Variants in GPATCH2 observed in about 807,000 individuals in gnomAD.
GPATCH2 encodes G patch domain-containing protein 2.
A neutral mutation model predicts 58.0 loss-of-function variants in GPATCH2; 51 were observed. The ratio of observed to expected loss-of-function variants is 0.88; its 90% CI spans 0.70 to 1.11. The LOEUF (loss-of-function observed/expected upper bound fraction) is 1.11, where lower values mean the gene tolerates loss of function less well. GPATCH2 is among the 50% of genes most tolerant of loss of function. GPATCH2 has a pLI of 0.00. For missense variants in GPATCH2, 625 were observed against 652.2 expected (o/e 0.96, Z 0.45); for synonymous variants, 222 against 218.5 (o/e 1.02, Z -0.14).
intron 6 of GPATCH2, among the ~76,000 whole-genome samples, chr1:217,510,938 T>C (rs2102572933): frequency 6.6e-6 from 1 of 151,384 alleles, no homozygotes; most frequent in South Asian, 2.1e-4. Context: ...ACTAAAAAAA[T>C]ACAAAAAAAA....
intron 8 of GPATCH2, among the ~76,000 whole-genome samples, chr1:217,470,303 T>A (rs1660659466): frequency 6.6e-6 from 1 of 152,200 alleles, no homozygotes; most frequent in Admixed American, 6.5e-5. Flanking sequence ...TCAACTGCAA[T>A]CCTAGAGATG....
intron 1 of GPATCH2, among the ~76,000 whole-genome samples, chr1:217,621,983 T>G (rs1054635656): frequency 6.6e-6 from 1 of 152,226 alleles, no homozygotes; most frequent in African/African-American, 2.4e-5. Context: ...TGTCACAATG[T>G]GATGCGTCTA....
chr1:217,624,284 G>A (rs1669342684), intron 1 of GPATCH2, among the ~76,000 whole-genome samples: 2 of 152,196 alleles, frequency 1.3e-5, no homozygotes, highest in African/African-American at 2.4e-5. Context: ...TTGGGAGGCT[G>A]AGGCGGCAGG....
chr1:217,556,280 A>T (rs1284767969), intron 5 of GPATCH2, among the ~76,000 whole-genome samples: 1 of 152,132 alleles, frequency 6.6e-6, no homozygotes, highest in Non-Finnish European at 1.5e-5. Flanking sequence ...AACATACTCC[A>T]AGTGTCCCCA....
chr1:217,538,863 T>C (rs886807033), intron 5 of GPATCH2, among the ~76,000 whole-genome samples: 3 of 152,218 alleles, frequency 2.0e-5, no homozygotes, highest in African/African-American at 7.2e-5. Context: ...AATGCTATAC[T>C]GTCAAACAGC....
chr1:217,431,152 G>A lies in GPATCH2; in HGVS notation c.1580C>T (p.Ser527Phe). The A allele has an allele frequency of 6.8e-7, 1 of 1,461,396 alleles. No homozygotes were observed. The highest frequency in any genetic ancestry group is 1.1e-5 in the South Asian group (1 of 88,150). 90.5% of individuals were successfully genotyped at this position (1,461,396 alleles called of 1,614,324 possible). A position where few individuals can be genotyped will look rare whatever the true frequency, so the allele number is the denominator to read the frequency against. Residue 527 changes from serine to phenylalanine, a missense_variant, in exon 10 of 10, where the codon TCC (serine) becomes TTC (phenylalanine). Ser to Phe is a radical substitution (Grantham distance 155, BLOSUM62 -2). Coordinates refer to ENST00000366935, the MANE Select transcript of GPATCH2 (RefSeq NM_018040.5). ...SATTTPNAGKSA is the reference protein window; with the variant it reads ...SATTTPNAGKFA ...ATTTCTTCTTTGCTTTTCTTAGGCG[G>A]ATTTTCCTGCATTGGGGGTAGTAGT... is the stretch of plus-strand genomic sequence containing the variant.
In GPATCH2 at chr1:217,431,150, C is replaced by T. The variant is rs34576349; in HGVS notation, c.1582G>A (p.Ala528Thr). The change falls in exon 10 of 10, where the codon GCC (alanine) becomes ACC (threonine). Residue 528 changes from alanine (A) to threonine (T), a missense_variant. Physicochemically the swap from Ala to Thr is moderately conservative, Grantham distance 58 (BLOSUM62 0). Transcript: ENST00000366935. Reference sequence around the variant, plus strand: ...ACATTTCTTCTTTGCTTTTCTTAGGCGGATTTTCCTGCATTGGGGGTAGTA... The same window carrying T: ...ACATTTCTTCTTTGCTTTTCTTAGGTGGATTTTCCTGCATTGGGGGTAGTA... ...ATTTPNAGKS[A>T] 4,411 of 1,428,556 alleles carry T rather than the reference C, an allele frequency of 3.1e-3. 114 individuals carry two copies. The African/African-American group carries it at 0.051, about 17-fold the overall frequency. 88.5% of individuals were successfully genotyped at this position (1,428,556 alleles called of 1,614,324 possible).
intron 5 of GPATCH2, among the ~76,000 whole-genome samples, chr1:217,575,288 T>C (rs1229534519): frequency 2.0e-5 from 3 of 152,198 alleles, no homozygotes; most frequent in African/African-American, 7.2e-5. Flanking sequence ...CTGGAAACTG[T>C]TAGTTATCAC....
chr1:217,512,980 C>T (rs1027815049), intron 6 of GPATCH2, among the ~76,000 whole-genome samples: 2 of 152,018 alleles, frequency 1.3e-5, no homozygotes, highest in Admixed American at 1.3e-4. Context: ...TTCCTGAATG[C>T]GAACTTTTGT....
intron 5 of GPATCH2, among the ~76,000 whole-genome samples, chr1:217,520,863 G>T (rs889662029): frequency 1.4e-4 from 21 of 151,880 alleles, no homozygotes; most frequent in Non-Finnish European, 2.2e-4. Context: ...TTGAGACAAG[G>T]TCTTGTTCTG....
chr1:217,496,646 T>G (rs1333438838), intron 7 of GPATCH2, among the ~76,000 whole-genome samples: 1 of 152,152 alleles, frequency 6.6e-6, no homozygotes, highest in Non-Finnish European at 1.5e-5. Context: ...GGCCCTGAGT[T>G]CGATGTTAAT....
chr1:217,456,927 T>G (rs1158470964), intron 8 of GPATCH2, among the ~76,000 whole-genome samples: 7 of 152,212 alleles, frequency 4.6e-5, no homozygotes, highest in Non-Finnish European at 1.0e-4. Context: ...CATGGAAGAC[T>G]GTGCAACAAA....
intron 8 of GPATCH2, among the ~76,000 whole-genome samples, chr1:217,476,352 C>G (rs1379205142): frequency 6.6e-6 from 1 of 151,904 alleles, no homozygotes; most frequent in Non-Finnish European, 1.5e-5. Context: ...CACCAATTGC[C>G]ACCCCCTCCA....
intron 5 of GPATCH2, among the ~76,000 whole-genome samples, chr1:217,529,808 C>T (rs1218468793): frequency 1.3e-5 from 2 of 152,156 alleles, no homozygotes; most frequent in African/African-American, 4.8e-5. Context: ...TATTTTATCT[C>T]GCCCAAGAGT....
At chr1:217,628,931 G>T (rs114183065) in intron 1 of GPATCH2, among the ~76,000 whole-genome samples, 2,400 of 151,936 alleles carry the variant, frequency 0.016, 36 homozygotes, top group Non-Finnish European at 0.025. Flanking sequence ...TAAGAATTTT[G>T]GGGGGGTATA....
At chr1:217,555,814 A>G (rs964508994) in intron 5 of GPATCH2, among the ~76,000 whole-genome samples, 2 of 152,122 alleles carry the variant, frequency 1.3e-5, no homozygotes, top group Non-Finnish European at 2.9e-5. Flanking sequence ...TCTGCACTTC[A>G]CCTTAAAGTT....
At chr1:217,587,284 G>A (rs191607361) in intron 5 of GPATCH2, among the ~76,000 whole-genome samples, 25 of 152,234 alleles carry the variant, frequency 1.6e-4, no homozygotes, top group African/African-American at 5.5e-4. Context: ...TACTTAAAAA[G>A]CACTGAAGTC....
Position 217,619,883 on chromosome 1 carries a change from C to T in GPATCH2, c.673G>A (p.Asp225Asn), listed in dbSNP as rs17854198. ...TCACTTTCTAAAACTACTCCTTCATCTTGGATTTTTGGTCCTTGTCTGATT... is the reference window on the plus strand; with the variant it reads ...TCACTTTCTAAAACTACTCCTTCATTTTGGATTTTTGGTCCTTGTCTGATT... ...KIIRQGPKIQ[D>N]EGVVLESEET... is the part of the protein sequence containing the mutation. Residue 225 changes from aspartate (D) to asparagine (N), a missense_variant, in exon 2 of 10, where the codon GAT becomes AAT. Physicochemically the swap from Asp to Asn is conservative, Grantham distance 23. Transcript: ENST00000366935. 6.3e-4 allele frequency: 1,015 copies of T among 1,613,860 alleles called. 4 individuals are homozygous for T. Among genetic ancestry groups the T allele is most frequent in the African/African-American group, 3.1e-3 (235 of 74,992 alleles).
At chr1:217,498,471 G>T in intron 6 of GPATCH2, 76 bp from the exon 7 acceptor site, 1 of 1,082,612 alleles carries the variant, frequency 9.2e-7, no homozygotes, top group Non-Finnish European at 1.4e-6. Context: ...AGCCGCATGT[G>T]CTTTAAGAAA....
Sources: gnomAD v4.1 joint callset for allele counts (sites outside exome capture counted in the v4.1 genomes callset) on GRCh38, gnomAD v4.1.1 for gene constraint, MANE v1.5 for transcripts, NCBI Gene and HGNC (gene_info 2026-07-23, HGNC 2026-07-21) for gene names.